KIF13A: variants seen among roughly 807,000 people sequenced by gnomAD.
The protein encoded by KIF13A is kinesin family member 13A.
In KIF13A, 79 loss-of-function variants were observed where a neutral mutation model predicts 212.2. The ratio of observed to expected loss-of-function variants is 0.37; its 90% confidence interval spans 0.31 to 0.45. The LOEUF is 0.45. KIF13A is among the 20% of genes least tolerant of loss of function. The pLI, the probability that KIF13A is intolerant of heterozygous loss-of-function variation, is 1.00. For missense variants in KIF13A, 1,901 were observed against 2,209.0 expected (o/e 0.86, Z 2.79); for synonymous variants, 789 against 808.6 (o/e 0.98, Z 0.41).
At position 17,773,496 on chromosome 6, in the gene KIF13A, G is replaced by A. The variant is rs754313942; in HGVS notation, c.4306C>T (p.Pro1436Ser). ...CCACTACCTTCTTTATTCCTTCGAG[G>A]AGAATCCCTGGGTAAAGTTCCATAA... ...ACYGTLPRDS[P>S]RRNKEGCTSE... is the part of the protein sequence containing the mutation. Residue 1436 changes from proline (P) to serine (S), a missense_variant, in exon 36 of 39, where the codon CCT (proline) becomes TCT (serine). This residue lies in a region of KIF13A where 687 missense variants were observed against 759.1 expected (regional missense o/e 0.90). Coordinates refer to ENST00000259711, the MANE Select transcript of KIF13A (RefSeq NM_022113.6). The surrounding 1 kb of genome is among the most constrained non-coding windows in gnomAD (Gnocchi z 4.2). 19 of 1,597,152 alleles carry A rather than the reference G, an allele frequency of 1.2e-5. No individual in the cohort carries two copies. In the Admixed American group the frequency reaches 3.2e-4, roughly 27 times the overall value.
In KIF13A at chr6:17,926,207, T is replaced by C. The variant is rs1040738003; in HGVS notation, c.147-28027A>G. ...TTCAGTTCTTGTAAACTTCCACGAA[T>C]TCCTAAATTTATCTGTCTCCTGGTG... On this transcript the variant is annotated intron_variant, in intron 2 of 38. Coordinates refer to ENST00000259711, the MANE Select transcript of KIF13A (RefSeq NM_022113.6). The surrounding 1 kb of genome is among the most constrained non-coding windows in gnomAD (Gnocchi z 4.3). Among the ~76,000 whole-genome samples the C allele has an allele frequency of 6.6e-6, 1 of 152,190 alleles. No individual in the cohort carries two copies. Among genetic ancestry groups the C allele is most frequent in the Admixed American group, 6.6e-5 (1 of 15,264 alleles).
intron 38 of KIF13A, chr6:17,770,361 A>AGTTTTTTTTTTTT (rs1759378812): frequency 2.5e-5 from 3 of 119,446 alleles, no homozygotes; most frequent in Non-Finnish European, 3.5e-5. Flanking sequence ...AATAAACAGG[A>AGTTTTTTTTTTTT]TTTTTTTTTT....
At position 17,771,234 on chromosome 6, in the gene KIF13A, C is replaced by T; in HGVS notation, c.4477-16G>A. Reference sequence around the variant, plus strand: ...GAGGCATGCTCTGCAAAGGTTAAGACACACAGATGCATCACACACAAAGAC... The same window carrying T: ...GAGGCATGCTCTGCAAAGGTTAAGATACACAGATGCATCACACACAAAGAC... On this transcript the variant is annotated splice_polypyrimidine_tract_variant and intron_variant, in intron 37 of 38. Coordinates refer to ENST00000259711, the MANE Select transcript of KIF13A (RefSeq NM_022113.6). This position sits in a 1 kb window ranked among gnomAD's most constrained non-coding sequence, Gnocchi z 5.4. 1 of 1,546,360 alleles carries T rather than the reference C, an allele frequency of 6.5e-7. No individual in the cohort carries two copies. Among genetic ancestry groups the T allele is most frequent in the Non-Finnish European group, 8.9e-7 (1 of 1,122,100 alleles).
At chr6:17,879,634 C>T (rs963510869) in intron 3 of KIF13A, among the ~76,000 whole-genome samples, 57 of 152,254 alleles carry the variant, frequency 3.7e-4, no homozygotes, top group African/African-American at 1.1e-3. Flanking sequence ...GAAATTAGAA[C>T]ATTTATTTGT....
At chr6:17,780,188 G>A (rs1760432299) in intron 31 of KIF13A, among the ~76,000 whole-genome samples, 1 of 152,230 alleles carries the variant, frequency 6.6e-6, no homozygotes, top group South Asian at 2.1e-4. Flanking sequence ...GCTGTTAGTT[G>A]GGAATTTGAC....
rs1293717255 is a variant in KIF13A at position 17,829,113 on chromosome 6, A to G, written c.1402-743T>C. On this transcript the variant is annotated intron_variant, in intron 13 of 38. Transcript: ENST00000259711. This position sits in a 1 kb window ranked among gnomAD's most constrained non-coding sequence, Gnocchi z 5.4. ...CAGGTATGCGCCACCACGTCTGGCTAATTTTTATTTTTAGTACAGATGGGG... is the reference window on the plus strand; with the variant it reads ...CAGGTATGCGCCACCACGTCTGGCTGATTTTTATTTTTAGTACAGATGGGG... Among the ~76,000 whole-genome samples the G allele has an allele frequency of 2.0e-5, 3 of 152,180 alleles. No homozygotes were observed. The highest frequency in any genetic ancestry group is 1.9e-4 in the East Asian group (1 of 5,166).
Position 17,897,952 on chromosome 6 carries a change from T to C in KIF13A, c.159+216A>G, listed in dbSNP as rs957119634. ...GCTTTGAAGATTACAGCATTCATTC[T>C]GAGAATGAAATAATATGTGAAAGTG... On this transcript the variant is annotated intron_variant, in intron 3 of 38. Transcript: ENST00000259711. This position sits in a 1 kb window ranked among gnomAD's most constrained non-coding sequence, Gnocchi z 4.8. Among the ~76,000 whole-genome samples the C allele has an allele frequency of 4.6e-5, 7 of 152,230 alleles. No individual in the cohort carries two copies. Among genetic ancestry groups the C allele is most frequent in the African/African-American group, 1.7e-4 (7 of 41,456 alleles).
At position 17,826,935 on chromosome 6, in the gene KIF13A, C is replaced by T. The variant is rs938585334; in HGVS notation, c.1533-811G>A. On this transcript the variant is annotated intron_variant, in intron 14 of 38. Transcript: ENST00000259711. This position sits in a 1 kb window ranked among gnomAD's most constrained non-coding sequence, Gnocchi z 4.7. ...TTTTTTTTCTGGGCATGGTGGTGGG[C>T]GCCTGTAATCCCAGCTACTTGGGAG... Among the ~76,000 whole-genome samples the T allele has an allele frequency of 5.9e-5, 9 of 151,338 alleles. No individual in the cohort carries two copies. Among genetic ancestry groups the T allele is most frequent in the African/African-American group, 1.7e-4 (7 of 41,182 alleles).
At chr6:17,841,662 G>A (rs1045378609) in intron 9 of KIF13A, among the ~76,000 whole-genome samples, 5 of 151,948 alleles carry the variant, frequency 3.3e-5, no homozygotes, top group East Asian at 3.9e-4. Context: ...AGTAGAAGCC[G>A]CCCCTTTTAT....
At position 17,799,463 on chromosome 6, in the gene KIF13A, A is replaced by G. The variant is rs1561987702; in HGVS notation, c.2617-24T>C. 2 of 1,482,754 alleles carry G rather than the reference A, an allele frequency of 1.3e-6. No homozygotes were observed. The highest frequency in any genetic ancestry group is 1.4e-5 in the African/African-American group (1 of 71,060). 91.8% of individuals were successfully genotyped at this position (1,482,754 alleles called of 1,614,324 possible). On this transcript the variant is annotated intron_variant, in intron 21 of 38. Transcript: ENST00000259711. The surrounding 1 kb of genome is among the most constrained non-coding windows in gnomAD (Gnocchi z 4.4). ...ACCTGAAGAGATAAACAATACAAAT[A>G]AAACTCCAATGAACACTAAACATTC...
chr6:17,842,354 C>A (rs1324547930), intron 9 of KIF13A, among the ~76,000 whole-genome samples: 2 of 151,880 alleles, frequency 1.3e-5, no homozygotes, highest in African/African-American at 4.8e-5. Flanking sequence ...CCTGGCCAGG[C>A]TTACATATTT....
intron 2 of KIF13A, among the ~76,000 whole-genome samples, chr6:17,903,124 G>T (rs1401812646): frequency 6.6e-6 from 1 of 152,166 alleles, no homozygotes; most frequent in Non-Finnish European, 1.5e-5. Context: ...AATTGAACGG[G>T]ATGTTAACAA....
chr6:17,852,086 T>C lies in KIF13A; in HGVS notation c.495-44A>G, dbSNP rs1387817182. 4.7e-6 allele frequency: 5 copies of C among 1,071,942 alleles called. No homozygotes were observed. In the East Asian group the frequency reaches 1.5e-4, roughly 32 times the overall value. 66.4% of individuals were successfully genotyped at this position (1,071,942 alleles called of 1,614,324 possible). A position where few individuals can be genotyped will look rare whatever the true frequency, so the allele number is the denominator to read the frequency against. The stretch of plus-strand genomic sequence containing the variant: ...AGGAATAAATGAATCACACCAAAGC[T>C]GGAAGCTTTTCTTTCTCTTTAAGTA... On this transcript the variant is annotated intron_variant, in intron 6 of 38. Coordinates refer to ENST00000259711, the MANE Select transcript of KIF13A (RefSeq NM_022113.6).
At chr6:17,845,163 G>A (rs1204615909) in intron 9 of KIF13A, among the ~76,000 whole-genome samples, 4 of 152,082 alleles carry the variant, frequency 2.6e-5, no homozygotes, top group Non-Finnish European at 5.9e-5. Flanking sequence ...TAAAACCATC[G>A]GATCTCGTGA....
rs1215942717 is a variant in KIF13A at position 17,771,310 on chromosome 6, T to C, written c.4477-92A>G. On this transcript the variant is annotated intron_variant, in intron 37 of 38. Coordinates refer to ENST00000259711, the MANE Select transcript of KIF13A (RefSeq NM_022113.6). The surrounding 1 kb of genome is among the most constrained non-coding windows in gnomAD (Gnocchi z 5.4). ...TACATGCAAGTTAGAAAAGCAATGC[T>C]AACACTCTTATTACATGTGAGTAAT... The C allele has an allele frequency of 1.9e-5, 15 of 774,874 alleles. No individual in the cohort carries two copies. The East Asian group carries it at 3.5e-4, about 18-fold the overall frequency. The allele number at this position is 774,874 out of a possible 1,614,324, so 48.0% of individuals were successfully genotyped here. A position where few individuals can be genotyped will look rare whatever the true frequency, so the allele number is the denominator to read the frequency against.
intron 38 of KIF13A, among the ~76,000 whole-genome samples, chr6:17,766,666 A>C (rs1319098708): frequency 7.2e-5 from 11 of 151,952 alleles, no homozygotes; most frequent in Admixed American, 6.6e-5. Context: ...GCAATCCTCC[A>C]ATCTCTGCCT....
intron 2 of KIF13A, among the ~76,000 whole-genome samples, chr6:17,928,929 G>T (rs138335028): frequency 2.2e-3 from 340 of 151,726 alleles, no homozygotes; most frequent in Admixed American, 6.9e-3. Flanking sequence ...ATAATGGAAA[G>T]AATTTAATGT....
chr6:17,810,039 CA>C (rs1037208062), intron 17 of KIF13A, among the ~76,000 whole-genome samples: 2 of 151,922 alleles, frequency 1.3e-5, no homozygotes, highest in Non-Finnish European at 2.9e-5. Flanking sequence ...CCAGCCTGGG[CA>C]ACATAGCAAG....
chr6:17,805,537 G>A lies in KIF13A; in HGVS notation c.2242C>T (p.Leu748=). 6.2e-7 allele frequency: 1 copy of A among 1,613,548 alleles called. No homozygotes were observed. ...KSTQVWTIEK[L]ENKLIDMRDL... ...CTCATGTCAATTAATTTATTCTCCA[G>A]CTTCTCAATGGTCCACACTTGGGTG... The change falls in exon 19 of 39, where the codon CTG becomes TTG. Residue 748 remains leucine (L), a synonymous_variant. Coordinates refer to ENST00000259711, the MANE Select transcript of KIF13A (RefSeq NM_022113.6).
Sources: gnomAD v4.1 joint callset for allele counts (sites outside exome capture counted in the v4.1 genomes callset) on GRCh38, gnomAD v4.1.1 for gene constraint, gnomAD v4.1.1 regional missense constraint, Gnocchi (gnomAD v3.1) non-coding constraint, MANE v1.5 for transcripts, NCBI Gene and HGNC (gene_info 2026-07-23, HGNC 2026-07-21) for gene names.